GMDS: variants seen among roughly 807,000 people sequenced by gnomAD.
GMDS encodes the protein GDP-mannose 4,6 dehydratase.
A neutral mutation model predicts 49.9 loss-of-function variants in GMDS; 20 were observed. That is an observed-to-expected ratio of 0.40 (90% confidence interval 0.28 to 0.58). GMDS has a LOEUF of 0.58. GMDS is among the 20% of genes least tolerant of loss of function. The pLI is 0.42. For synonymous variants in GMDS, 177 were observed against 178.6 expected, an observed-to-expected ratio of 0.99 and a Z score of 0.07; for missense variants, 362 against 481.4, an observed-to-expected ratio of 0.75 and a Z score of 2.32.
chr6:1,839,633 C>T (rs1757070274), intron 7 of GMDS, among the ~76,000 whole-genome samples: 1 of 152,224 alleles, frequency 6.6e-6, no homozygotes, highest in Admixed American at 6.5e-5. Flanking sequence ...CCACTCTAGT[C>T]TATTCCAAGT....
intron 1 of GMDS, among the ~76,000 whole-genome samples, chr6:2,179,070 C>T (rs1423002441): frequency 1.3e-5 from 2 of 152,066 alleles, no homozygotes; most frequent in Non-Finnish European, 2.9e-5. Context: ...TTATGAAATC[C>T]ACGGGATGAG....
intron 1 of GMDS, among the ~76,000 whole-genome samples, chr6:2,217,247 T>C (rs1343841457): frequency 6.6e-6 from 1 of 152,154 alleles, no homozygotes; most frequent in East Asian, 1.9e-4. Context: ...CCCTGCTTCC[T>C]GGCCTGCCCT....
intron 9 of GMDS, among the ~76,000 whole-genome samples, chr6:1,636,875 C>T (rs1411273206): frequency 6.6e-6 from 1 of 152,218 alleles, no homozygotes; most frequent in Non-Finnish European, 1.5e-5. Flanking sequence ...TAGGCCTGGC[C>T]CTGTAGCACA....
chr6:1,812,657 C>T (rs1043420557), intron 7 of GMDS, among the ~76,000 whole-genome samples: 14 of 152,048 alleles, frequency 9.2e-5, no homozygotes, highest in Non-Finnish European at 1.0e-4. Context: ...TCCCAAACCC[C>T]CCACCGACTG....
At chr6:1,727,383 C>T (rs1049023320) in intron 8 of GMDS, among the ~76,000 whole-genome samples, 2 of 152,138 alleles carry the variant, frequency 1.3e-5, no homozygotes, top group African/African-American at 4.8e-5. Flanking sequence ...GTCTGGATGT[C>T]TATAATATTA....
rs1293146321 is a variant in GMDS, at chr6:1,640,951, T to C, written c.988-16411A>G. Among the ~76,000 whole-genome samples the C allele has an allele frequency of 6.6e-6, 1 of 152,192 alleles. No individual in the cohort carries two copies. Among genetic ancestry groups the C allele is most frequent in the Non-Finnish European group, 1.5e-5 (1 of 68,030 alleles). The stretch of plus-strand genomic sequence containing the variant: ...TGAAGGGCCGGCTGGTTAGAAACCC[T>C]GAAGTCCAGAGTGACCCCATGGGGC... On this transcript the variant is annotated intron_variant, in intron 9 of 10. Coordinates refer to ENST00000380815, the MANE Select transcript of GMDS (RefSeq NM_001500.4). The surrounding 1 kb of genome is among the most constrained non-coding windows in gnomAD (Gnocchi z 4.0).
intron 1 of GMDS, among the ~76,000 whole-genome samples, chr6:2,136,116 A>T (rs1344827000): frequency 2.0e-5 from 3 of 152,222 alleles, no homozygotes; most frequent in South Asian, 2.1e-4. Context: ...CAGAAAAGGT[A>T]CAGTGAAAAT....
At chr6:1,843,542 T>C (rs1461398192) in intron 7 of GMDS, among the ~76,000 whole-genome samples, 2 of 152,078 alleles carry the variant, frequency 1.3e-5, no homozygotes, top group East Asian at 3.9e-4. Context: ...CCAAAGTAGG[T>C]AGATCACTCA....
At chr6:1,705,147 G>A (rs114584110) in intron 9 of GMDS, among the ~76,000 whole-genome samples, 2 of 152,186 alleles carry the variant, frequency 1.3e-5, no homozygotes, top group Admixed American at 1.3e-4. Flanking sequence ...CCAGGCACTG[G>A]GGATACAAAT....
chr6:2,170,004 G>A (rs867495100), intron 1 of GMDS, among the ~76,000 whole-genome samples: 2 of 152,142 alleles, frequency 1.3e-5, no homozygotes, highest in South Asian at 4.1e-4. Context: ...GGGAGTTCAC[G>A]ACCAGCCTGA....
intron 9 of GMDS, among the ~76,000 whole-genome samples, chr6:1,643,792 T>G (rs1024929277): frequency 6.6e-6 from 1 of 152,132 alleles, no homozygotes; most frequent in Non-Finnish European, 1.5e-5. Context: ...GTGAACTGTA[T>G]GATGTGTGAA....
chr6:2,201,048 C>A, intron 1 of GMDS, among the ~76,000 whole-genome samples: 1 of 139,762 alleles, frequency 7.2e-6, no homozygotes, highest in South Asian at 2.5e-4. Context: ...GACAGAGCAC[C>A]ACATGGGCAT....
intron 4 of GMDS, among the ~76,000 whole-genome samples, chr6:2,046,994 A>G (rs988510421): frequency 6.6e-6 from 1 of 152,172 alleles, no homozygotes; most frequent in Non-Finnish European, 1.5e-5. Flanking sequence ...ACTCATGTAT[A>G]CTCATGAATT....
intron 4 of GMDS, among the ~76,000 whole-genome samples, chr6:2,065,570 G>T (rs1444843040): frequency 3.3e-5 from 5 of 152,168 alleles, no homozygotes; most frequent in South Asian, 2.1e-4. Flanking sequence ...ACAGAGAAGT[G>T]CTTAAAGGAG....
intron 1 of GMDS, among the ~76,000 whole-genome samples, chr6:2,215,586 C>G (rs1780294009): frequency 6.6e-6 from 1 of 151,386 alleles, no homozygotes; most frequent in South Asian, 2.1e-4. Context: ...GAGATACAGC[C>G]AAACCATATC....
At chr6:1,754,696 C>T (rs933347879) in intron 7 of GMDS, among the ~76,000 whole-genome samples, 5 of 152,176 alleles carry the variant, frequency 3.3e-5, no homozygotes, top group African/African-American at 1.2e-4. Context: ...AAGTCGGCTT[C>T]ATCCCTGGGA....
Position 1,830,105 on chromosome 6 carries a change from A to G in GMDS, c.772-87519T>C, listed in dbSNP as rs1382671216. On this transcript the variant is annotated intron_variant, in intron 7 of 10. Coordinates refer to ENST00000380815, the MANE Select transcript of GMDS (RefSeq NM_001500.4). ...TTTAAATTAATCAAAATTAAATTAA[A>G]TTAATAATTTAGTTCCTCAGTTATA... Among the ~76,000 whole-genome samples the G allele has an allele frequency of 3.9e-5, 6 of 152,196 alleles. No homozygotes were observed. In the East Asian group the frequency reaches 1.2e-3, roughly 29 times the overall value.
intron 1 of GMDS, among the ~76,000 whole-genome samples, chr6:2,233,907 C>T (rs1475648435): frequency 6.6e-6 from 1 of 152,236 alleles, no homozygotes; most frequent in East Asian, 1.9e-4. Context: ...GTATGATACA[C>T]TGCACATCTA....
At chr6:1,674,092 G>A (rs1254955226) in intron 9 of GMDS, among the ~76,000 whole-genome samples, 1 of 151,884 alleles carries the variant, frequency 6.6e-6, no homozygotes, top group East Asian at 1.9e-4. Flanking sequence ...TGCTATTTAT[G>A]AAATTGCAAA....
Sources: gnomAD v4.1 joint callset for allele counts (sites outside exome capture counted in the v4.1 genomes callset) on GRCh38, gnomAD v4.1.1 for gene constraint, Gnocchi (gnomAD v3.1) non-coding constraint, MANE v1.5 for transcripts, NCBI Gene and HGNC (gene_info 2026-07-23, HGNC 2026-07-21) for gene names.